Variants in GNB4 observed in about 807,000 individuals in gnomAD.
The protein encoded by GNB4 is guanine nucleotide-binding protein subunit beta-4.
In GNB4, 28 loss-of-function variants were observed where a neutral mutation model predicts 45.2. The ratio of observed to expected loss-of-function variants is 0.62; its 90% CI spans 0.46 to 0.85. The LOEUF (loss-of-function observed/expected upper bound fraction) is 0.85. Among genes scored for constraint, GNB4 ranks in the 40% least tolerant of loss-of-function variants. The pLI is 0.00. For synonymous variants in GNB4, 132 were observed against 143.7 expected (o/e 0.92, Z 0.58); for missense variants, 321 against 425.4 (o/e 0.75, Z 2.16).
Position 179,405,210 on chromosome 3 carries a change from G to A in GNB4, c.896C>T (p.Thr299Met), listed in dbSNP as rs202181846. Residue 299 changes from threonine to methionine, a missense_variant, in exon 9 of 10, where the codon ACG becomes ATG. Thr to Met is a moderately conservative substitution (Grantham distance 81). Coordinates refer to ENST00000232564, the MANE Select transcript of GNB4 (RefSeq NM_021629.4). Reference sequence around the variant, plus strand: ...CTAACCTGCACGATCTCCTTTTAGCGTGTCCCATACATTACAATTAAAGTC... The same window carrying A: ...CTAACCTGCACGATCTCCTTTTAGCATGTCCCATACATTACAATTAAAGTC... The part of the protein sequence containing the change: ...YDDFNCNVWD[T>M]LKGDRAGVLA... 46 of 1,613,538 alleles carry A rather than the reference G, an allele frequency of 2.9e-5. No individual in the cohort carries two copies. Among genetic ancestry groups the A allele is most frequent in the South Asian group, 1.5e-4 (14 of 91,010 alleles).
At chr3:179,414,501 A>G (rs1044404027) in intron 6 of GNB4, among the ~76,000 whole-genome samples, 3 of 152,226 alleles carry the variant, frequency 2.0e-5, no homozygotes, top group Admixed American at 6.5e-5. Flanking sequence ...GCAATACACT[A>G]TCATGGTGAA....
At chr3:179,437,626 C>G (rs112444488) in intron 1 of GNB4, 3 of 151,842 alleles carry the variant, frequency 2.0e-5, no homozygotes, top group Non-Finnish European at 2.9e-5. Context: ...TCACACTGTG[C>G]CACCAAATGA....
intron 8 of GNB4, among the ~76,000 whole-genome samples, chr3:179,407,464 G>A (rs539855844): frequency 1.3e-5 from 2 of 152,122 alleles, no homozygotes; most frequent in South Asian, 4.2e-4. Context: ...CTCAAAATAA[G>A]TAAGTAAATA....
At chr3:179,463,933 A>G in the GNB4 span, among the ~76,000 whole-genome samples, 1 of 152,160 alleles carries the variant, frequency 6.6e-6, no homozygotes, top group Non-Finnish European at 1.5e-5. Flanking sequence ...CCTGGCCAAT[A>G]CTGTATTATA....
rs138353435 is a variant in GNB4 at position 179,426,318 on chromosome 3, A to AT, written c.-42-77dup. On this transcript the variant is annotated intron_variant, in intron 1 of 9. Transcript: ENST00000232564. Reference sequence around the variant, plus strand: ...TAATCTGGTTTTACAATACTGACATATAACTTCTTTTTGGACCTACTGAAA... The same window carrying AT: ...TAATCTGGTTTTACAATACTGACATATTAACTTCTTTTTGGACCTACTGAAA... The AT allele has an allele frequency of 2.4e-3, 1,679 of 688,808 alleles. 4 individuals are homozygous for AT. The highest frequency in any genetic ancestry group is 3.5e-3 in the Non-Finnish European group (1,481 of 420,246). 42.7% of individuals were successfully genotyped at this position (688,808 alleles called of 1,614,324 possible).
At chr3:179,423,237 G>A (rs1270598375) in intron 2 of GNB4, among the ~76,000 whole-genome samples, 3 of 152,154 alleles carry the variant, frequency 2.0e-5, no homozygotes, top group Non-Finnish European at 1.5e-5. Context: ...AGTGAGATAC[G>A]GAGATGATTA....
chr3:179,507,176 C>A, the GNB4 span, among the ~76,000 whole-genome samples: 1 of 152,184 alleles, frequency 6.6e-6, no homozygotes, highest in Non-Finnish European at 1.5e-5. Context: ...CTGCCACTAC[C>A]CTAGTTTAGA....
At chr3:179,423,787 A>T (rs796796012) in intron 2 of GNB4, among the ~76,000 whole-genome samples, 3 of 40,792 alleles carry the variant, frequency 7.4e-5, no homozygotes, top group East Asian at 4.2e-4. Flanking sequence ...ACTCTGATTT[A>T]AAAAAAAAAA....
the GNB4 span, among the ~76,000 whole-genome samples, chr3:179,511,515 G>A: frequency 2.0e-5 from 3 of 152,134 alleles, no homozygotes; most frequent in African/African-American, 7.2e-5. Flanking sequence ...ATTAAGTAGT[G>A]GTTAAGACCA....
At chr3:179,495,618 G>A in the GNB4 span, among the ~76,000 whole-genome samples, 1 of 151,050 alleles carries the variant, frequency 6.6e-6, no homozygotes, top group South Asian at 2.1e-4. Flanking sequence ...AAGGAAGAAA[G>A]AAAGAAAGGA....
At position 179,427,093 on chromosome 3, in the gene GNB4, T is replaced by C. The variant is rs76690349; in HGVS notation, c.-42-851A>G. Among the ~76,000 whole-genome samples the C allele has an allele frequency of 3.4e-3, 521 of 152,114 alleles. 3 individuals are homozygous for C. The highest frequency in any genetic ancestry group is 0.014 in the Middle Eastern group (4 of 294). On this transcript the variant is annotated intron_variant, in intron 1 of 9. Coordinates refer to ENST00000232564, the MANE Select transcript of GNB4 (RefSeq NM_021629.4). ...CTAAGCAGGCCCCAGTCTCAGTGTC[T>C]TTGCATTTGCTCCTGCCTCTGCTTG...
chr3:179,495,568 GAGAA>G, the GNB4 span, among the ~76,000 whole-genome samples: 8 of 147,482 alleles, frequency 5.4e-5, no homozygotes, highest in African/African-American at 9.9e-5. Context: ...AAGAAAGAAA[GAGAA>G]AGAAAGAAAG....
At chr3:179,509,980 C>T in the GNB4 span, among the ~76,000 whole-genome samples, 1 of 152,030 alleles carries the variant, frequency 6.6e-6, no homozygotes, top group South Asian at 2.1e-4. Flanking sequence ...TGCACTGTCA[C>T]GCCCAGCTAA....
chr3:179,467,166 A>T, the GNB4 span, among the ~76,000 whole-genome samples: 4 of 152,176 alleles, frequency 2.6e-5, no homozygotes, highest in Non-Finnish European at 5.9e-5. Context: ...GGTGTGTGCC[A>T]GCATGCCTGG....
chr3:179,439,404 C>T (rs2108616342), intron 1 of GNB4, among the ~76,000 whole-genome samples: 1 of 152,290 alleles, frequency 6.6e-6, no homozygotes, highest in South Asian at 2.1e-4. Context: ...AAGGAAAAGT[C>T]AAGCTGGGTC....
the GNB4 span, among the ~76,000 whole-genome samples, chr3:179,470,995 T>C: frequency 6.6e-6 from 1 of 151,892 alleles, no homozygotes; most frequent in Non-Finnish European, 1.5e-5. Context: ...CTGGCTAACA[T>C]TGTGAAACCC....
At chr3:179,402,182 T>C (rs890457687) in intron 9 of GNB4, among the ~76,000 whole-genome samples, 2 of 152,178 alleles carry the variant, frequency 1.3e-5, no homozygotes, top group African/African-American at 2.4e-5. Flanking sequence ...AAAATGAACA[T>C]TGTGGCTAAA....
At chr3:179,465,973 A>T in the GNB4 span, among the ~76,000 whole-genome samples, 1 of 150,300 alleles carries the variant, frequency 6.7e-6, no homozygotes, top group Non-Finnish European at 1.5e-5. Flanking sequence ...AGAGGTTTAA[A>T]GAGCATTGGA....
chr3:179,497,693 T>C, the GNB4 span, among the ~76,000 whole-genome samples: 1 of 119,018 alleles, frequency 8.4e-6, no homozygotes, highest in African/African-American at 3.5e-5. Flanking sequence ...TACAACTCAG[T>C]AGTTTAAAAA....
Sources: gnomAD v4.1 joint callset for allele counts (sites outside exome capture counted in the v4.1 genomes callset) on GRCh38, gnomAD v4.1.1 for gene constraint, MANE v1.5 for transcripts, NCBI Gene and HGNC (gene_info 2026-07-23, HGNC 2026-07-21) for gene names.